The following TERF2 variants were observed in gnomAD, a reference collection of about 807,000 sequenced individuals.
TERF2 encodes telomeric repeat binding factor 2.
TERF2 carries 16 observed loss-of-function variants against 56.1 expected under a neutral mutation model. The ratio of observed to expected loss-of-function variants is 0.29; its 90% CI spans 0.19 to 0.43. The LOEUF is 0.43. Among genes scored for constraint, TERF2 ranks in the 20% least tolerant of loss-of-function variants. The probability of loss-of-function intolerance (pLI) is 1.00; values close to 1 mark genes in which losing one functional copy is unlikely to be tolerated. For missense variants in TERF2, 547 were observed against 712.9 expected (o/e 0.77, Z 2.65); for synonymous variants, 296 against 282.1 (o/e 1.05, Z -0.50).
Position 69,356,812 on chromosome 16 carries a change from A to C in TERF2, c.*86T>G. 1 of 1,448,406 alleles carries C rather than the reference A, an allele frequency of 6.9e-7. No homozygotes were observed. 89.7% of individuals were successfully genotyped at this position (1,448,406 alleles called of 1,614,324 possible). On this transcript the variant is annotated 3_prime_UTR_variant, in exon 10 of 10. Coordinates refer to ENST00000254942, the MANE Select transcript of TERF2 (RefSeq NM_005652.5). The stretch of plus-strand genomic sequence containing the variant: ...GAGACTCTGTCTCAAAAAAAAAAAA[A>C]AAAGAAAAAGAAAGAAAGAGCAGAC...
Position 69,368,464 on chromosome 16 carries a change from T to C in TERF2, c.859A>G (p.Lys287Glu). Reference protein sequence around the residue: ...YLLTMAKKALKSESAASSTGK... With the variant: ...YLLTMAKKALESESAASSTGK... ...GTACTTGAGGCAGCGGACTCAGATTTCAAAGCCTTTTTGGCCATCTGGGAA... is the reference window on the plus strand; with the variant it reads ...GTACTTGAGGCAGCGGACTCAGATTCCAAAGCCTTTTTGGCCATCTGGGAA... Residue 287 changes from lysine (K) to glutamate (E), a missense_variant, in exon 6 of 10, where the codon AAA becomes GAA. Transcript: ENST00000254942. The C allele has an allele frequency of 6.2e-7, 1 of 1,614,152 alleles. No homozygotes were observed. The highest frequency in any genetic ancestry group is 1.1e-5 in the South Asian group (1 of 91,080).
intron 3 of TERF2, among the ~76,000 whole-genome samples, chr16:69,380,638 CAG>C (rs567981108): frequency 8.5e-4 from 123 of 145,218 alleles, no homozygotes; most frequent in Middle Eastern, 7.2e-3. Context: ...GCCTGGGCGA[CAG>C]AGAGAGACTA....
Position 69,384,715 on chromosome 16 carries a change from G to A in TERF2, c.476-5C>T, listed in dbSNP as rs1289619171. ...CCTCCATATCAAAGGAACAGTCTAG[G>A]ACAAAGCACAGTTTTCATTTTTAAG... On this transcript the variant is annotated splice_polypyrimidine_tract_variant and splice_region_variant and intron_variant, in intron 2 of 9. Coordinates refer to ENST00000254942, the MANE Select transcript of TERF2 (RefSeq NM_005652.5). 1.3e-6 allele frequency: 2 copies of A among 1,587,708 alleles called. No individual in the cohort carries two copies. Among genetic ancestry groups the A allele is most frequent in the Non-Finnish European group, 1.7e-6 (2 of 1,169,958 alleles).
chr16:69,384,501 A>G, intron 3 of TERF2, 79 bp downstream of exon 3: 1 of 1,478,956 alleles, frequency 6.8e-7, no homozygotes, highest in South Asian at 1.3e-5. Flanking sequence ...TCTGCCCCAC[A>G]CAGTAAAGAG....
At chr16:69,368,199 A>T (rs2013423224) in intron 6 of TERF2, among the ~76,000 whole-genome samples, 177 bp downstream of exon 6, 1 of 152,224 alleles carries the variant, frequency 6.6e-6, no homozygotes, top group Non-Finnish European at 1.5e-5. Context: ...GACCCCAGGC[A>T]TCCTGTTTCC....
intron 3 of TERF2, among the ~76,000 whole-genome samples, chr16:69,382,985 G>A (rs924865756): frequency 2.6e-5 from 4 of 152,238 alleles, no homozygotes; most frequent in Admixed American, 6.5e-5. Flanking sequence ...GTAAGAAAAT[G>A]GCTACTCTGA....
At chr16:69,362,705 A>G (rs754207064) in intron 7 of TERF2, among the ~76,000 whole-genome samples, 4 of 152,210 alleles carry the variant, frequency 2.6e-5, no homozygotes, top group Admixed American at 6.5e-5. Context: ...CTTCTAATCA[A>G]CTTTGCATTT....
In TERF2 at chr16:69,385,769, G is replaced by A. The variant is rs1471791865; in HGVS notation, c.203C>T (p.Ala68Val). Residue 68 changes from alanine (A) to valine (V), a missense_variant, in exon 1 of 10, where the codon GCC (alanine) becomes GTC (valine). Ala to Val is a moderately conservative substitution (Grantham distance 64). Coordinates refer to ENST00000254942, the MANE Select transcript of TERF2 (RefSeq NM_005652.5). Reference protein sequence around the residue: ...GRRASRSSGRARRGRHEPGLG... With the variant: ...GRRASRSSGRVRRGRHEPGLG... ...CCCCGGCTCGTGGCGCCCCCGCCGG[G>A]CCCGCCCGCTACTGCGGGACGCCCG... The A allele has an allele frequency of 3.7e-5, 50 of 1,334,256 alleles. No individual in the cohort carries two copies. In the Admixed American group the frequency reaches 1.8e-3, roughly 49 times the overall value. The allele number at this position is 1,334,256 out of a possible 1,614,324, so 82.7% of individuals were successfully genotyped here. A position where few individuals can be genotyped will look rare whatever the true frequency, so the allele number is the denominator to read the frequency against.
chr16:69,374,062 T>A (rs934221306), intron 3 of TERF2, among the ~76,000 whole-genome samples: 1 of 152,204 alleles, frequency 6.6e-6, no homozygotes. Context: ...AGGTACAAAG[T>A]AAGTCTTCAT....
intron 3 of TERF2, among the ~76,000 whole-genome samples, chr16:69,374,907 G>A (rs1277004117): frequency 6.6e-6 from 1 of 151,962 alleles, no homozygotes; most frequent in East Asian, 1.9e-4. Context: ...AGAGGTTGCA[G>A]TGAGCCGAGA....
rs371110469 is a variant in TERF2, at chr16:69,367,125, T to C, written c.1022A>G (p.Gln341Arg). ...KAAFKTLSGA[Q>R]DSEAAFAKLD... ...TTTTGCAAAGGCTGCCTCAGAATCC[T>C]GTGCACCAGACAGAGTCTTGAAAGC... The change falls in exon 7 of 10, where the codon CAG becomes CGG. Residue 341 changes from glutamine (Q) to arginine (R), a missense_variant. Coordinates refer to ENST00000254942, the MANE Select transcript of TERF2 (RefSeq NM_005652.5). 21 of 1,614,132 alleles carry C rather than the reference T, an allele frequency of 1.3e-5. No homozygotes were observed. The South Asian group carries it at 2.3e-4, about 18-fold the overall frequency.
At position 69,385,490 on chromosome 16, in the gene TERF2, G is replaced by A. The variant is rs2014160621; in HGVS notation, c.380-4C>T. ...CCCAAGGGCCTGACAAGCAAAGCTG[G>A]GAGAGAAGACATCGTTGGCTGGGCG... On this transcript the variant is annotated splice_region_variant and splice_polypyrimidine_tract_variant and intron_variant, in intron 1 of 9. Coordinates refer to ENST00000254942, the MANE Select transcript of TERF2 (RefSeq NM_005652.5). 2 of 1,613,988 alleles carry A rather than the reference G, an allele frequency of 1.2e-6. No individual in the cohort carries two copies. The highest frequency in any genetic ancestry group is 1.7e-6 in the Non-Finnish European group (2 of 1,179,986).
intron 3 of TERF2, among the ~76,000 whole-genome samples, chr16:69,383,776 C>T (rs536987456): frequency 6.6e-6 from 1 of 152,268 alleles, no homozygotes; most frequent in Non-Finnish European, 1.5e-5. Flanking sequence ...TCTTTGGGAT[C>T]CCATCCTTTT....
intron 3 of TERF2, among the ~76,000 whole-genome samples, chr16:69,376,862 T>C (rs1192125867): frequency 5.0e-5 from 2 of 40,208 alleles, no homozygotes; most frequent in African/African-American, 5.1e-4. Context: ...CTTGTCACAT[T>C]GAAAAAAAAA....
chr16:69,373,874 G>C (rs1485665791), intron 3 of TERF2, among the ~76,000 whole-genome samples: 1 of 150,906 alleles, frequency 6.6e-6, no homozygotes, highest in Admixed American at 6.6e-5. Flanking sequence ...AGATATTTTT[G>C]ATCTTCACAG....
Position 69,366,955 on chromosome 16 carries a change from G to C in TERF2, c.1192C>G (p.Arg398Gly), listed in dbSNP as rs764321730. The C allele has an allele frequency of 1.2e-6, 2 of 1,614,068 alleles. No homozygotes were observed. The highest frequency in any genetic ancestry group is 1.7e-6 in the Non-Finnish European group (2 of 1,180,048). The change falls in exon 7 of 10, where the codon CGC (arginine) becomes GGC (glycine). Residue 398 changes from arginine (R) to glycine (G), a missense_variant. Coordinates refer to ENST00000254942, the MANE Select transcript of TERF2 (RefSeq NM_005652.5). Reference protein sequence around the residue: ...GGSELQPKNKRMTISRLVLEE... With the variant: ...GGSELQPKNKGMTISRLVLEE... ...AAGACCAATCTGCTTATTGTCATGCGCTTGTTCTTGGGCTGCAGTTCCGAG... is the reference window on the plus strand; with the variant it reads ...AAGACCAATCTGCTTATTGTCATGCCCTTGTTCTTGGGCTGCAGTTCCGAG...
At chr16:69,370,372 C>A in intron 5 of TERF2, 111 bp downstream of exon 5, 4 of 1,393,286 alleles carry the variant, frequency 2.9e-6, no homozygotes, top group South Asian at 1.4e-5. Flanking sequence ...AAAGCTAGTG[C>A]ATACAATTCA....
intron 4 of TERF2, among the ~76,000 whole-genome samples, chr16:69,371,849 G>A (rs1444327415): frequency 6.6e-6 from 1 of 151,980 alleles, no homozygotes; most frequent in Non-Finnish European, 1.5e-5. Flanking sequence ...TAAAAAGGAA[G>A]AAGAAAAAAT....
At chr16:69,383,001 T>C (rs148232834) in intron 3 of TERF2, among the ~76,000 whole-genome samples, 1 of 152,238 alleles carries the variant, frequency 6.6e-6, no homozygotes, top group Non-Finnish European at 1.5e-5. Context: ...TCTGAGAGCT[T>C]AGATTTTTCT....
Sources: allele counts gnomAD v4.1 joint callset (sites outside exome capture counted in the v4.1 genomes callset), GRCh38; gene constraint gnomAD v4.1.1; transcripts MANE v1.5; gene names NCBI Gene and HGNC (gene_info 2026-07-23, HGNC 2026-07-21).